Variants in FHAD1 observed in about 807,000 individuals in gnomAD.
FHAD1 encodes the protein forkhead-associated domain-containing protein 1.
In FHAD1, 146 loss-of-function variants were observed where a neutral mutation model predicts 191.3. The ratio of observed to expected loss-of-function variants is 0.76; its 90% confidence interval spans 0.67 to 0.88. The LOEUF is 0.88. Ranked by LOEUF, FHAD1 falls within the 40% of genes least tolerant of loss-of-function variation. FHAD1 has a pLI of 0.00. For missense variants in FHAD1, 1,635 were observed against 1,785.8 expected (o/e 0.92, Z 1.52); for synonymous variants, 616 against 672.3 (o/e 0.92, Z 1.29).
At chr1:15,353,012 G>C in intron 20 of FHAD1, 28 bp downstream of exon 20, 1 of 1,492,628 alleles carries the variant, frequency 6.7e-7, no homozygotes. Context: ...GGAGAGACGA[G>C]AGGGGCCCAG....
rs907679176 is a variant in FHAD1, at chr1:15,311,584, C to T, written c.1040-1473C>T. On this transcript the variant is annotated intron_variant, in intron 7 of 33. Transcript: ENST00000688493. The surrounding 1 kb of genome is among the most constrained non-coding windows in gnomAD (Gnocchi z 4.1). ...TGTCCCCGGACGAAGCTCATTTTTA[C>T]AATGAAATTCTGAATCATGTTGTTC... 5.9e-5 allele frequency among the ~76,000 whole-genome samples: 9 copies of T among 152,166 alleles called. No homozygotes were observed. Among genetic ancestry groups the T allele is most frequent in the African/African-American group, 2.2e-4 (9 of 41,432 alleles).
chr1:15,296,335 G>A (rs1057184716), intron 4 of FHAD1, among the ~76,000 whole-genome samples: 6 of 149,064 alleles, frequency 4.0e-5, no homozygotes, highest in Non-Finnish European at 7.4e-5. Context: ...CTCACTGCAA[G>A]CTCCGCCTCC....
At chr1:15,245,844 G>A (rs950917611), upstream of FHAD1, among the ~76,000 whole-genome samples, 3 of 152,196 alleles carry the variant, frequency 2.0e-5, no homozygotes, top group Non-Finnish European at 2.9e-5. Flanking sequence ...TCTGGGGTCT[G>A]TGCCCAGAAG....
upstream of FHAD1, among the ~76,000 whole-genome samples, chr1:15,242,805 G>A (rs1263735960): frequency 6.6e-6 from 1 of 152,170 alleles, no homozygotes; most frequent in East Asian, 1.9e-4. Context: ...TCTTCGCACA[G>A]CATCAGAGAA....
Position 15,276,508 on chromosome 1 carries a change from T to C in FHAD1, c.300+3979T>C, listed in dbSNP as rs1448389717. On this transcript the variant is annotated intron_variant, in intron 3 of 33. Transcript: ENST00000688493. This position sits in a 1 kb window ranked among gnomAD's most constrained non-coding sequence, Gnocchi z 4.7. ...ATATATCATAGCTTTTTTGCCAAAG[T>C]ATAGCCTAGGGGCCGGGCGTGGTGA... Among the ~76,000 whole-genome samples the C allele has an allele frequency of 6.6e-6, 1 of 152,178 alleles. No homozygotes were observed. The highest frequency in any genetic ancestry group is 2.4e-5 in the African/African-American group (1 of 41,452).
At position 15,336,291 on chromosome 1, in the gene FHAD1, C is replaced by T. The variant is rs77350716; in HGVS notation, c.1907-3190C>T. Among the ~76,000 whole-genome samples, 335 of 152,106 alleles carry T rather than the reference C, an allele frequency of 2.2e-3. 2 individuals carry two copies. Among genetic ancestry groups the T allele is most frequent in the African/African-American group, 7.7e-3 (320 of 41,374 alleles). ...TCAAACTCTTGGCATAGCACTGGCA[C>T]GCACCAGGTCTGCTATTATTATAAT... On this transcript the variant is annotated intron_variant, in intron 14 of 33. Coordinates refer to ENST00000688493, the MANE Select transcript of FHAD1 (RefSeq NM_001391957.1).
chr1:15,248,613 GCT>G (rs1646392450), intron 1 of FHAD1, among the ~76,000 whole-genome samples: 1 of 148,534 alleles, frequency 6.7e-6, no homozygotes, highest in Admixed American at 6.7e-5. Flanking sequence ...ACAGAGTCTT[GCT>G]CTGTCTCCCA....
In FHAD1 at chr1:15,365,371, C is replaced by T. The variant is rs1219481430; in HGVS notation, c.3048-456C>T. ...TTTTTTTCTTAGAGATGGGTTCTTG[C>T]TCTGCCACCCAGGCTGGAGTGCAGC... is the stretch of plus-strand genomic sequence containing the variant. On this transcript the variant is annotated intron_variant, in intron 23 of 33. Transcript: ENST00000688493. Among the ~76,000 whole-genome samples, 3 of 151,232 alleles carry T rather than the reference C, an allele frequency of 2.0e-5. No individual in the cohort carries two copies. In the East Asian group the frequency reaches 5.8e-4, roughly 29 times the overall value.
In FHAD1 at chr1:15,238,250, G is replaced by GGAA. The variant is rs375763210; in HGVS notation, c.-15+1489_-15+1490insGAA. Among the ~76,000 whole-genome samples, 4 of 96,916 alleles carry GGAA rather than the reference G, an allele frequency of 4.1e-5. No individual in the cohort carries two copies. In the East Asian group the frequency reaches 1.0e-3, roughly 24 times the overall value. 63.6% of individuals were successfully genotyped at this position (96,916 alleles called of 152,430 possible). On this transcript the variant is annotated intron_variant, in intron 1 of 33. Coordinates refer to the FHAD1 transcript ENST00000683790. ...CAATAGAGTGAGACTCCATCTCAAG[G>GGAA]AAAAAAAAAAAAAAAAAAAGGAGCA...
At position 15,358,057 on chromosome 1, in the gene FHAD1, G is replaced by A. The variant is rs1422600948; in HGVS notation, c.2563-53G>A. On this transcript the variant is annotated intron_variant, in intron 20 of 33. Transcript: ENST00000688493. ...TGAAGGTGGGGGATAAGGGGGCTGG[G>A]TAAATATGTATTCCTGAATGTCTGT... 8.4e-6 allele frequency: 11 copies of A among 1,315,542 alleles called. No individual in the cohort carries two copies. The East Asian group carries it at 2.8e-4, about 34-fold the overall frequency. The allele number at this position is 1,315,542 out of a possible 1,614,324, so 81.5% of individuals were successfully genotyped here.
At chr1:15,363,554 T>C (rs1486444469) in intron 23 of FHAD1, among the ~76,000 whole-genome samples, 3 of 152,196 alleles carry the variant, frequency 2.0e-5, no homozygotes, top group Non-Finnish European at 2.9e-5. Flanking sequence ...TAGCTAATAC[T>C]GTTATTAGCT....
chr1:15,354,299 T>C (rs1234095717), intron 20 of FHAD1, among the ~76,000 whole-genome samples: 2 of 152,230 alleles, frequency 1.3e-5, no homozygotes, highest in African/African-American at 4.8e-5. Context: ...GTGGCGCTGA[T>C]GCACTTTAAA....
At chr1:15,304,060 C>T (rs1669660185) in intron 6 of FHAD1, among the ~76,000 whole-genome samples, 1 of 152,194 alleles carries the variant, frequency 6.6e-6, no homozygotes, top group African/African-American at 2.4e-5. Context: ...TTCAAGCAGA[C>T]GTACAAGCCA....
chr1:15,327,088 G>C lies in FHAD1; in HGVS notation c.1503G>C (p.Lys501Asn). The change falls in exon 12 of 34, where the codon AAG (lysine) becomes AAC (asparagine). Residue 501 changes from lysine to asparagine, a missense_variant. Coordinates refer to ENST00000688493, the MANE Select transcript of FHAD1 (RefSeq NM_001391957.1). This position sits in a 1 kb window ranked among gnomAD's most constrained non-coding sequence, Gnocchi z 5.1. ...AGCACTTCAGAAGTCAAGTCATCAAGGCCACCTATGGACGGGCGAAGCCGT... is the reference window on the plus strand; with the variant it reads ...AGCACTTCAGAAGTCAAGTCATCAACGCCACCTATGGACGGGCGAAGCCGT... ...QLEHFRSQVI[K>N]ATYGRAKPFR... 1 of 1,551,226 alleles carries C rather than the reference G, an allele frequency of 6.4e-7. No individual in the cohort carries two copies. The highest frequency in any genetic ancestry group is 1.4e-5 in the African/African-American group (1 of 73,064).
intron 23 of FHAD1, among the ~76,000 whole-genome samples, chr1:15,363,268 G>T (rs546241387): frequency 1.6e-4 from 24 of 152,240 alleles, no homozygotes; most frequent in African/African-American, 5.5e-4. Flanking sequence ...TCACTGCCAT[G>T]ATAACCCATT....
At chr1:15,239,351 C>A (rs1208364571) in intron 1 of FHAD1, among the ~76,000 whole-genome samples, 2 of 152,086 alleles carry the variant, frequency 1.3e-5, no homozygotes, top group Admixed American at 1.3e-4. Flanking sequence ...CTTTGAGAGG[C>A]CGAGGTGGGC....
intron 10 of FHAD1, among the ~76,000 whole-genome samples, chr1:15,323,241 C>T (rs1281271343): frequency 6.6e-6 from 1 of 152,154 alleles, no homozygotes; most frequent in East Asian, 1.9e-4. Context: ...TGCCAAAGGC[C>T]TGCTGTGTGG....
chr1:15,289,354 T>C lies in FHAD1; in HGVS notation c.301-45T>C, dbSNP rs1471543960. The C allele has an allele frequency of 6.5e-7, 1 of 1,532,624 alleles. No homozygotes were observed. The highest frequency in any genetic ancestry group is 8.8e-7 in the Non-Finnish European group (1 of 1,135,366). 94.9% of individuals were successfully genotyped at this position (1,532,624 alleles called of 1,614,324 possible). A position where few individuals can be genotyped will look rare whatever the true frequency, so the allele number is the denominator to read the frequency against. ...GGCTGGGACAAAGAAATGGAGACCA[T>C]CCCAGCCGGTCATAACCTCCCCTGA... On this transcript the variant is annotated intron_variant, in intron 3 of 33. Transcript: ENST00000688493. This position sits in a 1 kb window ranked among gnomAD's most constrained non-coding sequence, Gnocchi z 4.2.
At position 15,296,737 on chromosome 1, in the gene FHAD1, G is replaced by A; in HGVS notation, c.622G>A (p.Gly208Arg). ...SEKSVAEGIPGAVPPAEIYVE... is the reference protein window; with the variant it reads ...SEKSVAEGIPRAVPPAEIYVE... Reference sequence around the variant, plus strand: ...AAAATCAGTGGCCGAGGGGATTCCTGGGGCAGTTCCCCCTGCGGAGATTTA... The same window carrying A: ...AAAATCAGTGGCCGAGGGGATTCCTAGGGCAGTTCCCCCTGCGGAGATTTA... The change falls in exon 5 of 34, where the codon GGG (glycine) becomes AGG (arginine). Residue 208 changes from glycine (G) to arginine (R), a missense_variant. By Grantham distance (125) the Gly-to-Arg change is moderately radical (BLOSUM62 -2). Coordinates refer to ENST00000688493, the MANE Select transcript of FHAD1 (RefSeq NM_001391957.1). 6.4e-7 allele frequency: 1 copy of A among 1,551,902 alleles called. No individual in the cohort carries two copies. The highest frequency in any genetic ancestry group is 8.7e-7 in the Non-Finnish European group (1 of 1,147,046).
Sources: gnomAD v4.1 joint callset for allele counts (sites outside exome capture counted in the v4.1 genomes callset) on GRCh38, gnomAD v4.1.1 for gene constraint, Gnocchi (gnomAD v3.1) non-coding constraint, MANE v1.5 for transcripts, NCBI Gene and HGNC (gene_info 2026-07-23, HGNC 2026-07-21) for gene names.